EIF4B: variants seen among roughly 807,000 people sequenced by gnomAD.
EIF4B encodes the protein eukaryotic translation initiation factor 4B.
Under a neutral mutation model 79.3 loss-of-function variants are expected in EIF4B, and 8 were observed. That is an observed-to-expected ratio of 0.10 (90% CI 0.06 to 0.18). The LOEUF is 0.18. Ranked by LOEUF, EIF4B falls within the 10% of genes least tolerant of loss-of-function variation. The pLI, the probability that EIF4B is intolerant of heterozygous loss-of-function variation, is 1.00. For synonymous variants in EIF4B, 238 were observed against 274.7 expected, an observed-to-expected ratio of 0.87 and a Z score of 1.32; for missense variants, 515 against 792.4, an observed-to-expected ratio of 0.65 and a Z score of 4.20.
chr12:53,033,731 A>G, intron 8 of EIF4B, 75 bp from the exon 9 acceptor site: 1 of 1,448,646 alleles, frequency 6.9e-7, no homozygotes, highest in Non-Finnish European at 9.3e-7. Flanking sequence ...TAGGAGTTAT[A>G]TCTGAGAAAT....
At chr12:53,037,258 C>G in intron 10 of EIF4B, 151 bp from the exon 11 acceptor site, 1 of 815,832 alleles carries the variant, frequency 1.2e-6, no homozygotes, top group Non-Finnish European at 1.9e-6. Context: ...AGACATTGTT[C>G]TGGAAATACT....
intron 11 of EIF4B, chr12:53,038,116 C>A: frequency 3.1e-6 from 1 of 319,262 alleles, no homozygotes; most frequent in Non-Finnish European, 5.8e-6. Flanking sequence ...GTTAAGACTC[C>A]AAAAGAAAAG....
Position 53,018,935 on chromosome 12 carries a change from A to C in EIF4B, c.289A>C (p.Thr97Pro), listed in dbSNP as rs1943192646. 6.2e-7 allele frequency: 1 copy of C among 1,613,888 alleles called. No individual in the cohort carries two copies. The highest frequency in any genetic ancestry group is 8.5e-7 in the Non-Finnish European group (1 of 1,179,936). The change falls in exon 3 of 15, where the codon ACT becomes CCT. Residue 97 changes from threonine to proline, a missense_variant. Around this residue, in one of 6 missense-constraint regions of EIF4B, gnomAD observed 105 missense variants for 177.2 expected, o/e 0.59. Transcript: ENST00000262056. Reference sequence around the variant, plus strand: ...CCGTCTTCCCAAATCGCCACCCTACACTGCTTTTCTAGGAAACCTACCCTA... The same window carrying C: ...CCGTCTTCCCAAATCGCCACCCTACCCTGCTTTTCTAGGAAACCTACCCTA... ...RSRLPKSPPYTAFLGNLPYDV... is the reference protein window; with the variant it reads ...RSRLPKSPPYPAFLGNLPYDV...
In EIF4B at chr12:53,024,921, G is replaced by A. The variant is rs1043680534; in HGVS notation, c.667+2294G>A. On this transcript the variant is annotated intron_variant, in intron 6 of 14. Coordinates refer to ENST00000262056, the MANE Select transcript of EIF4B (RefSeq NM_001417.7). Reference sequence around the variant, plus strand: ...TCTGCCTGCCTTGACCTCCCAAAATGCTGGGATTACAGGTGTGAGCCAGCG... The same window carrying A: ...TCTGCCTGCCTTGACCTCCCAAAATACTGGGATTACAGGTGTGAGCCAGCG... Among the ~76,000 whole-genome samples the A allele has an allele frequency of 1.2e-4, 19 of 152,244 alleles. 1 individual carries two copies. The highest frequency in any genetic ancestry group is 4.6e-4 in the African/African-American group (19 of 41,526).
chr12:53,028,190 T>C lies in EIF4B; in HGVS notation c.979+2T>C. ...ATGATTATAGGCGTGATGATAGAGG[T>C]AATAGTTTTCTTTTTACGTACTTCA... On this transcript the variant is annotated splice_donor_variant, in intron 8 of 14. Coordinates refer to ENST00000262056, the MANE Select transcript of EIF4B (RefSeq NM_001417.7). LOFTEE classifies it high-confidence loss of function. The C allele has an allele frequency of 6.4e-7, 1 of 1,565,166 alleles. No homozygotes were observed. The highest frequency in any genetic ancestry group is 1.2e-5 in the South Asian group (1 of 83,616).
intron 8 of EIF4B, among the ~76,000 whole-genome samples, chr12:53,029,001 C>T (rs1943387754): frequency 6.6e-6 from 1 of 152,018 alleles, no homozygotes; most frequent in African/African-American, 2.4e-5. Flanking sequence ...TGGCACATAC[C>T]TATCATCCCA....
chr12:53,012,071 A>C (rs1377748741), intron 1 of EIF4B: 1 of 152,206 alleles, frequency 6.6e-6, no homozygotes, highest in African/African-American at 2.4e-5. Context: ...GATTTAGATA[A>C]CATCTTTTCT....
In EIF4B at chr12:53,007,420, C is replaced by CTTTTTTT. The variant is rs56017954; in HGVS notation, c.13+946_13+952dup. On this transcript the variant is annotated intron_variant, in intron 1 of 14. Coordinates refer to ENST00000262056, the MANE Select transcript of EIF4B (RefSeq NM_001417.7). Reference sequence around the variant, plus strand: ...GATAGCTCCAATGGTAGATTTCAGCCTTTTTTTTTTTTTTTTTTTTTTTTT... The same window carrying CTTTTTTT: ...GATAGCTCCAATGGTAGATTTCAGCCTTTTTTTTTTTTTTTTTTTTTTTTTTTTTTTT... 1.8e-4 allele frequency among the ~76,000 whole-genome samples: 17 copies of CTTTTTTT among 92,248 alleles called. 1 individual carries two copies. Among genetic ancestry groups the CTTTTTTT allele is most frequent in the African/African-American group, 8.6e-4 (17 of 19,654 alleles). 60.5% of individuals were successfully genotyped at this position (92,248 alleles called of 152,430 possible). A position where few individuals can be genotyped will look rare whatever the true frequency, so the allele number is the denominator to read the frequency against.
chr12:53,033,034 G>A (rs1031700440), intron 8 of EIF4B, among the ~76,000 whole-genome samples: 7 of 151,518 alleles, frequency 4.6e-5, no homozygotes, highest in East Asian at 3.9e-4. Context: ...TATTTTAGGC[G>A]TAGTTTTGCT....
rs368689916 is a variant in EIF4B, at chr12:53,038,315, C to G, written c.1521-41C>G. 3.9e-6 allele frequency: 6 copies of G among 1,537,704 alleles called. No homozygotes were observed. In the African/African-American group the frequency reaches 8.4e-5, roughly 22 times the overall value. On this transcript the variant is annotated intron_variant, in intron 11 of 14. Transcript: ENST00000262056. ...ATTATGTTTCTTGGTTGTTTTCTCC[C>G]TGAAACAACTGATGAATGTGATTAC... is the stretch of plus-strand genomic sequence containing the variant.
At chr12:53,027,646 A>G in intron 6 of EIF4B, 136 bp from the exon 7 acceptor site, 1 of 1,416,852 alleles carries the variant, frequency 7.1e-7, no homozygotes, top group Non-Finnish European at 9.4e-7. Context: ...CAATTATTTC[A>G]CCAGGGAAAC....
intron 1 of EIF4B, among the ~76,000 whole-genome samples, chr12:53,012,569 T>G (rs11170372): frequency 1.3e-5 from 2 of 150,472 alleles, no homozygotes; most frequent in Non-Finnish European, 2.9e-5. Flanking sequence ...AAAAAAGACT[T>G]ATCCAACAGT....
intron 2 of EIF4B, among the ~76,000 whole-genome samples, chr12:53,017,082 A>G (rs538758816): frequency 1.3e-5 from 2 of 152,054 alleles, no homozygotes; most frequent in Non-Finnish European, 2.9e-5. Flanking sequence ...GTGAAAACCC[A>G]TCTCTACTAA....
At chr12:53,037,280 G>C (rs900092486) in intron 10 of EIF4B, 129 bp from the exon 11 acceptor site, 40 of 961,414 alleles carry the variant, frequency 4.2e-5, no homozygotes, top group Non-Finnish European at 5.4e-5. Context: ...GTAAACCACT[G>C]GTTTAGGGAT....
At chr12:53,019,045 G>A (rs779518536) in intron 3 of EIF4B, 39 bp downstream of exon 3, 23 of 1,593,066 alleles carry the variant, frequency 1.4e-5, no homozygotes, top group East Asian at 6.8e-5. Flanking sequence ...AGATATTGAG[G>A]ATAATGTCTA....
At chr12:53,036,096 T>TTA (rs1943536780) in intron 10 of EIF4B, among the ~76,000 whole-genome samples, 2 of 148,380 alleles carry the variant, frequency 1.3e-5, no homozygotes, top group Non-Finnish European at 3.0e-5. Context: ...CTATTTTTTT[T>TTA]ATTTTTTATT....
intron 6 of EIF4B, among the ~76,000 whole-genome samples, chr12:53,026,931 A>G (rs1943344113): frequency 6.6e-6 from 1 of 152,188 alleles, no homozygotes; most frequent in South Asian, 2.1e-4. Flanking sequence ...CTAAAATTCA[A>G]TAGAAAATTA....
At chr12:53,016,762 T>C (rs1310482848) in intron 2 of EIF4B, 152 bp downstream of exon 2, 31 of 1,216,776 alleles carry the variant, frequency 2.5e-5, no homozygotes, top group Non-Finnish European at 3.4e-5. Flanking sequence ...TAAGGTTTAA[T>C]CTGAGGTTTG....
At chr12:53,025,938 C>T (rs1221477935) in intron 6 of EIF4B, among the ~76,000 whole-genome samples, 1 of 151,790 alleles carries the variant, frequency 6.6e-6, no homozygotes, top group Non-Finnish European at 1.5e-5. Flanking sequence ...AAACCCTGTC[C>T]CTACTAAAAA....
Sources: allele counts gnomAD v4.1 joint callset (sites outside exome capture counted in the v4.1 genomes callset), GRCh38; gene constraint gnomAD v4.1.1; regional missense constraint gnomAD v4.1.1; transcripts MANE v1.5; gene names NCBI Gene and HGNC (gene_info 2026-07-23, HGNC 2026-07-21).